Variants in RIMS1 observed in about 807,000 individuals in gnomAD.
The protein encoded by RIMS1 is regulating synaptic membrane exocytosis protein 1.
In RIMS1, 83 loss-of-function variants were observed where a neutral mutation model predicts 214.1. The ratio of observed to expected loss-of-function variants is 0.39; its 90% CI spans 0.32 to 0.47. The LOEUF is 0.47. Among genes scored for constraint, RIMS1 ranks in the 20% least tolerant of loss-of-function variants. RIMS1 has a pLI of 0.99. For synonymous variants in RIMS1, 793 were observed against 786.8 expected (o/e 1.01, Z -0.13); for missense variants, 2,050 against 2,161.8 (o/e 0.95, Z 1.03).
chr6:72,073,271 T>C (rs1478579999), intron 2 of RIMS1, among the ~76,000 whole-genome samples: 1 of 152,158 alleles, frequency 6.6e-6, no homozygotes, highest in Non-Finnish European at 1.5e-5. Flanking sequence ...TAAACATCTC[T>C]TGTTGTATGA....
intron 6 of RIMS1, among the ~76,000 whole-genome samples, chr6:72,198,101 G>T (rs1039588954): frequency 6.6e-6 from 1 of 151,936 alleles, no homozygotes; most frequent in African/African-American, 2.4e-5. Flanking sequence ...TCCCACTACT[G>T]GTATTTATCC....
intron 6 of RIMS1, among the ~76,000 whole-genome samples, chr6:72,232,872 A>G (rs2062535955): frequency 6.6e-6 from 1 of 151,876 alleles, no homozygotes; most frequent in Non-Finnish European, 1.5e-5. Flanking sequence ...ACAGGCATCA[A>G]CCAAGCATAT....
chr6:72,166,300 G>GT (rs148899087), intron 4 of RIMS1, among the ~76,000 whole-genome samples: 50,545 of 143,078 alleles, frequency 0.35, 8,914 homozygotes, highest in Non-Finnish European at 0.39. Flanking sequence ...CTTGGTGTCT[G>GT]TTTTTTTTTT....
At chr6:72,053,134 G>GGCATAGGT (rs909877354) in intron 2 of RIMS1, among the ~76,000 whole-genome samples, 1 of 152,224 alleles carries the variant, frequency 6.6e-6, no homozygotes, top group Non-Finnish European at 1.5e-5. Flanking sequence ...AACCAACCTT[G>GGCATAGGT]GCATAGGTCT....
intron 2 of RIMS1, among the ~76,000 whole-genome samples, chr6:72,007,894 A>G (rs1371323455): frequency 2.6e-5 from 4 of 152,208 alleles, no homozygotes; most frequent in Non-Finnish European, 5.9e-5. Context: ...GTTGGAAAAC[A>G]CTCTGCAGGA....
In RIMS1 at chr6:72,182,457, A is replaced by G. The variant is rs1350804216; in HGVS notation, c.986A>G (p.Asp329Gly). The G allele has an allele frequency of 9.9e-6, 16 of 1,613,630 alleles. No homozygotes were observed. The Admixed American group carries it at 1.7e-4, about 17-fold the overall frequency. Residue 329 changes from aspartate to glycine, a missense_variant, in exon 6 of 34, where the codon GAC (aspartate) becomes GGC (glycine). This residue lies in a region of RIMS1 where 882 missense variants were observed against 828.9 expected (regional missense o/e 1.06). Coordinates refer to ENST00000521978, the MANE Select transcript of RIMS1 (RefSeq NM_014989.7). ...LEKGRSQDYP[D>G]TPEKRDEGKA... ...AAAGGGCGATCACAGGATTACCCAG[A>G]CACGCCGGAAAAACGGGATGAGGGC...
intron 26 of RIMS1, among the ~76,000 whole-genome samples, chr6:72,303,055 A>G (rs1201625041): frequency 6.6e-6 from 1 of 150,974 alleles, no homozygotes; most frequent in Non-Finnish European, 1.5e-5. Flanking sequence ...TATAAATTAA[A>G]TTTATGAATA....
At chr6:72,074,967 T>A (rs1831443129) in intron 2 of RIMS1, among the ~76,000 whole-genome samples, 1 of 152,210 alleles carries the variant, frequency 6.6e-6, no homozygotes, top group Admixed American at 6.5e-5. Flanking sequence ...ATTAAAAAAA[T>A]TAAGACATCA....
At chr6:71,979,627 T>C (rs1798008323) in intron 2 of RIMS1, among the ~76,000 whole-genome samples, 1 of 152,140 alleles carries the variant, frequency 6.6e-6, no homozygotes. Context: ...AATAATTTTT[T>C]TGGTCAATCC....
chr6:72,328,294 CAG>C (rs2096547868), intron 28 of RIMS1, among the ~76,000 whole-genome samples: 1 of 151,672 alleles, frequency 6.6e-6, no homozygotes, highest in Non-Finnish European at 1.5e-5. Flanking sequence ...CAAGGCCTGT[CAG>C]GGGGTAGGGG....
chr6:72,218,727 T>C (rs2057305855), intron 6 of RIMS1, among the ~76,000 whole-genome samples: 1 of 152,158 alleles, frequency 6.6e-6, no homozygotes, highest in Admixed American at 6.5e-5. Context: ...GCAATGATGG[T>C]TCATGTTCCC....
intron 4 of RIMS1, chr6:72,126,590 AAT>A (rs200826782): frequency 6.7e-5 from 12 of 177,892 alleles, no homozygotes; most frequent in Admixed American, 3.6e-4. Flanking sequence ...ACAAAAAAAA[AAT>A]AATTCCATCA....
chr6:72,011,062 T>G (rs948412243), intron 2 of RIMS1, among the ~76,000 whole-genome samples: 5 of 152,182 alleles, frequency 3.3e-5, no homozygotes, highest in Non-Finnish European at 7.3e-5. Flanking sequence ...GTCTTCACAC[T>G]TCCTGATTTC....
intron 6 of RIMS1, among the ~76,000 whole-genome samples, chr6:72,190,301 T>C (rs1588832625): frequency 1.3e-5 from 2 of 151,720 alleles, no homozygotes; most frequent in African/African-American, 4.8e-5. Context: ...CCATCTCTAC[T>C]AAAAATACAA....
At chr6:71,982,048 C>A (rs1049123639) in intron 2 of RIMS1, among the ~76,000 whole-genome samples, 3 of 151,766 alleles carry the variant, frequency 2.0e-5, no homozygotes, top group African/African-American at 7.3e-5. Context: ...TAATGGCAAA[C>A]CAAGCCGCTA....
At chr6:72,217,157 G>A (rs2056466447) in intron 6 of RIMS1, 4 of 1,535,614 alleles carry the variant, frequency 2.6e-6, no homozygotes, top group South Asian at 2.4e-5. Context: ...TGATGCCAGT[G>A]GCATTTAGTT....
chr6:72,117,876 A>G (rs1051067510), intron 4 of RIMS1, among the ~76,000 whole-genome samples: 23 of 152,044 alleles, frequency 1.5e-4, no homozygotes, highest in African/African-American at 4.6e-4. Context: ...AACTAGAGAA[A>G]CAAGAATAAA....
intron 6 of RIMS1, among the ~76,000 whole-genome samples, chr6:72,221,041 A>C (rs1415505156): frequency 6.6e-6 from 1 of 152,016 alleles, no homozygotes; most frequent in Non-Finnish European, 1.5e-5. Context: ...GGTAAGAAAC[A>C]TGTGGTTTGT....
At chr6:72,209,970 G>T (rs1174573947) in intron 6 of RIMS1, among the ~76,000 whole-genome samples, 1 of 150,986 alleles carries the variant, frequency 6.6e-6, no homozygotes, top group Non-Finnish European at 1.5e-5. Context: ...ATATGATTAT[G>T]TAGAGTTGAA....
Sources: allele counts gnomAD v4.1 joint callset (sites outside exome capture counted in the v4.1 genomes callset), GRCh38; gene constraint gnomAD v4.1.1; regional missense constraint gnomAD v4.1.1; transcripts MANE v1.5; gene names NCBI Gene and HGNC (gene_info 2026-07-23, HGNC 2026-07-21).